Variants in ROBO2 observed in about 807,000 individuals in gnomAD.
ROBO2 encodes the protein roundabout homolog 2.
A neutral mutation model predicts 160.8 loss-of-function variants in ROBO2; 53 were observed. The ratio of observed to expected loss-of-function variants is 0.33; its 90% CI spans 0.26 to 0.41. ROBO2 has a LOEUF of 0.41. ROBO2 is among the 10% of genes least tolerant of loss of function. ROBO2 has a pLI of 1.00. For missense variants in ROBO2, 1,577 were observed against 1,722.4 expected, an observed-to-expected ratio of 0.92 and a Z score of 1.49; for synonymous variants, 664 against 611.7, an observed-to-expected ratio of 1.09 and a Z score of -1.26.
chr3:77,326,193 A>G (rs1016311323), intron 2 of ROBO2, among the ~76,000 whole-genome samples: 1 of 152,180 alleles, frequency 6.6e-6, no homozygotes, highest in African/African-American at 2.4e-5. Context: ...GTCAAAGACT[A>G]ATTCTCTCAT....
At chr3:77,261,321 C>T (rs1444454631) in intron 2 of ROBO2, among the ~76,000 whole-genome samples, 1 of 152,004 alleles carries the variant, frequency 6.6e-6, no homozygotes, top group Non-Finnish European at 1.5e-5. Flanking sequence ...AAAACAGCCA[C>T]AATTAGGTCC....
chr3:76,622,730 T>C (rs2089312080), intron 2 of ROBO2, among the ~76,000 whole-genome samples: 1 of 152,172 alleles, frequency 6.6e-6, no homozygotes, highest in African/African-American at 2.4e-5. Flanking sequence ...CTTGCACATA[T>C]TGTTTCTTTG....
chr3:77,310,505 T>C (rs947947703), intron 2 of ROBO2, among the ~76,000 whole-genome samples: 2 of 152,136 alleles, frequency 1.3e-5, no homozygotes, highest in South Asian at 2.1e-4. Flanking sequence ...TAAGAAAAGA[T>C]TGATCTTGTG....
chr3:76,414,342 G>A (rs1238549005), intron 2 of ROBO2, among the ~76,000 whole-genome samples: 2 of 152,056 alleles, frequency 1.3e-5, no homozygotes, highest in African/African-American at 4.8e-5. Context: ...CAAATTGTAT[G>A]TAGCACAGTT....
Position 77,564,970 on chromosome 3 carries a change from A to G in ROBO2, c.1699A>G (p.Ser567Gly), listed in dbSNP as rs777043929. 7 of 1,613,500 alleles carry G rather than the reference A, an allele frequency of 4.3e-6. No homozygotes were observed. In the East Asian group the frequency reaches 1.6e-4, roughly 36 times the overall value. The change falls in exon 12 of 26, where the codon AGC (serine) becomes GGC (glycine). Residue 567 changes from serine (S) to glycine (G), a missense_variant. Ser to Gly is a moderately conservative substitution (Grantham distance 56). Coordinates refer to ENST00000461745, the Ensembl canonical transcript of ROBO2. ...GCGTTTCAGCCAATCAGTGAGCAACAGCTGGCAGACCGTGGCAAACCATGT... is the reference window on the plus strand; with the variant it reads ...GCGTTTCAGCCAATCAGTGAGCAACGGCTGGCAGACCGTGGCAAACCATGT...
intron 1 of ROBO2, among the ~76,000 whole-genome samples, chr3:77,091,292 A>G (rs2150022104): frequency 6.6e-6 from 1 of 152,292 alleles, no homozygotes; most frequent in African/African-American, 2.4e-5. Flanking sequence ...CTGAAAACAA[A>G]TGTTCTCTGG....
intron 2 of ROBO2, among the ~76,000 whole-genome samples, chr3:76,809,907 T>C (rs1390022682): frequency 6.6e-6 from 1 of 151,858 alleles, no homozygotes; most frequent in Non-Finnish European, 1.5e-5. Flanking sequence ...ATTTTATATA[T>C]GTCAGAGAGA....
Position 77,387,042 on chromosome 3 carries a change from A to C in ROBO2, c.389-90372A>C, listed in dbSNP as rs182095762. On this transcript the variant is annotated intron_variant, in intron 2 of 25. Coordinates refer to ENST00000461745, the Ensembl canonical transcript of ROBO2. ...TGATGAAAGCCTTATTAAGCCGCTCACATTCCCAAATTTGGGATGTTAGAG... is the reference window on the plus strand; with the variant it reads ...TGATGAAAGCCTTATTAAGCCGCTCCCATTCCCAAATTTGGGATGTTAGAG... 7.9e-5 allele frequency among the ~76,000 whole-genome samples: 12 copies of C among 152,182 alleles called. No individual in the cohort carries two copies. In the East Asian group the frequency reaches 2.3e-3, roughly 30 times the overall value.
At chr3:76,671,933 C>T (rs890705047) in intron 2 of ROBO2, among the ~76,000 whole-genome samples, 1 of 151,904 alleles carries the variant, frequency 6.6e-6, no homozygotes, top group African/African-American at 2.4e-5. Flanking sequence ...TGATTTTACA[C>T]AGTATTTTTT....
chr3:77,005,711 G>A (rs146355669), intron 2 of ROBO2, among the ~76,000 whole-genome samples: 1 of 152,312 alleles, frequency 6.6e-6, no homozygotes, highest in East Asian at 1.9e-4. Flanking sequence ...CACCATGGTA[G>A]TGGATTATTT....
At chr3:76,168,994 T>C (rs1036897718) in intron 2 of ROBO2, among the ~76,000 whole-genome samples, 1 of 152,022 alleles carries the variant, frequency 6.6e-6, no homozygotes, top group Non-Finnish European at 1.5e-5. Context: ...CACTTAATGA[T>C]TCCCTGTAGT....
intron 5 of ROBO2, among the ~76,000 whole-genome samples, chr3:77,519,862 T>C (rs1034552531): frequency 6.6e-5 from 10 of 151,456 alleles, no homozygotes; most frequent in African/African-American, 1.9e-4. Flanking sequence ...CCAAACTGCT[T>C]TCCCCAATGT....
intron 2 of ROBO2, among the ~76,000 whole-genome samples, chr3:77,019,512 G>T (rs969616246): frequency 1.3e-5 from 2 of 152,138 alleles, no homozygotes; most frequent in African/African-American, 4.8e-5. Context: ...AAGGCAGGAA[G>T]AAGAGCTCCT....
At chr3:76,249,649 G>C (rs1705860173) in intron 2 of ROBO2, among the ~76,000 whole-genome samples, 1 of 152,060 alleles carries the variant, frequency 6.6e-6, no homozygotes, top group Non-Finnish European at 1.5e-5. Context: ...TGGTCACAGT[G>C]TGTCTATGGA....
intron 2 of ROBO2, among the ~76,000 whole-genome samples, chr3:76,277,078 A>G (rs955475517): frequency 3.3e-5 from 5 of 152,050 alleles, no homozygotes; most frequent in African/African-American, 4.8e-5. Context: ...AGCAGTCACT[A>G]TCTCAACCAC....
intron 2 of ROBO2, among the ~76,000 whole-genome samples, chr3:75,940,801 G>T (rs149512099): frequency 0.027 from 4,177 of 152,208 alleles, 185 homozygotes; most frequent in African/African-American, 0.096. Context: ...ATAAGCATGG[G>T]TGTAATTAAT....
chr3:76,189,061 A>G (rs1279480152), intron 2 of ROBO2, among the ~76,000 whole-genome samples: 1 of 152,106 alleles, frequency 6.6e-6, no homozygotes. Flanking sequence ...CATCATAGGA[A>G]TAAACACTGA....
intron 2 of ROBO2, among the ~76,000 whole-genome samples, chr3:77,201,243 G>A (rs2082880185): frequency 6.6e-6 from 1 of 152,122 alleles, no homozygotes; most frequent in Admixed American, 6.6e-5. Flanking sequence ...GAACTTTCTA[G>A]ATTTTGTGCT....
chr3:76,477,853 C>T (rs2079007946), intron 2 of ROBO2, among the ~76,000 whole-genome samples: 1 of 151,882 alleles, frequency 6.6e-6, no homozygotes, highest in Non-Finnish European at 1.5e-5. Flanking sequence ...TAAATTCTTC[C>T]ATTTCTTTCT....
Sources: allele counts gnomAD v4.1 joint callset (sites outside exome capture counted in the v4.1 genomes callset), GRCh38; gene constraint gnomAD v4.1.1; transcripts MANE v1.5; gene names NCBI Gene and HGNC (gene_info 2026-07-23, HGNC 2026-07-21).